The following ROBO2 variants were observed in gnomAD, a reference collection of about 807,000 sequenced individuals.
The protein encoded by ROBO2 is roundabout guidance receptor 2.
A neutral mutation model predicts 160.8 loss-of-function variants in ROBO2; 53 were observed. The ratio of observed to expected loss-of-function variants is 0.33; its 90% CI spans 0.26 to 0.41. ROBO2 has a LOEUF of 0.41. ROBO2 is among the 10% of genes least tolerant of loss of function. The pLI, the probability that ROBO2 is intolerant of heterozygous loss-of-function variation, is 1.00. For missense variants in ROBO2, 1,577 were observed against 1,722.4 expected (o/e 0.92, Z 1.49); for synonymous variants, 664 against 611.7 (o/e 1.09, Z -1.26).
At chr3:76,397,002 G>C (rs1353508434) in intron 2 of ROBO2, among the ~76,000 whole-genome samples, 3 of 152,236 alleles carry the variant, frequency 2.0e-5, no homozygotes, top group Middle Eastern at 3.4e-3. Flanking sequence ...CCAAAAAAGA[G>C]CCTTCATCGC....
chr3:76,605,720 G>T (rs750019120), intron 2 of ROBO2, among the ~76,000 whole-genome samples: 15 of 152,078 alleles, frequency 9.9e-5, no homozygotes, highest in Admixed American at 5.2e-4. Context: ...TTAACATGGG[G>T]AATTAAAGAA....
intron 2 of ROBO2, among the ~76,000 whole-genome samples, chr3:76,884,415 A>C (rs550252900): frequency 6.6e-6 from 1 of 152,330 alleles, no homozygotes; most frequent in South Asian, 2.1e-4. Context: ...GTTCTCACAG[A>C]ACTCACTTTC....
At chr3:76,855,703 C>T (rs899985796) in intron 2 of ROBO2, among the ~76,000 whole-genome samples, 7 of 152,144 alleles carry the variant, frequency 4.6e-5, no homozygotes, top group African/African-American at 1.4e-4. Context: ...TGTCTGATTG[C>T]AGTAGTTTGA....
intron 2 of ROBO2, among the ~76,000 whole-genome samples, chr3:77,436,736 T>A (rs1453033235): frequency 6.6e-6 from 1 of 151,872 alleles, no homozygotes; most frequent in African/African-American, 2.4e-5. Flanking sequence ...TCAGAACTAG[T>A]TCCAAAAATG....
rs149986822 is a variant in ROBO2, at chr3:77,027,261, A to C, written c.110-70753A>C. On this transcript the variant is annotated intron_variant, in intron 2 of 26. Transcript: ENST00000487694. ...ACAATGGTGATGACAACATCATATT[A>C]CAAAACGAAATTTCAGCCTGAGCAA... Among the ~76,000 whole-genome samples, 588 of 152,278 alleles carry C rather than the reference A, an allele frequency of 3.9e-3. 3 individuals are homozygous for C. The highest frequency in any genetic ancestry group is 6.1e-3 in the Non-Finnish European group (414 of 68,014).
intron 2 of ROBO2, among the ~76,000 whole-genome samples, chr3:76,545,862 A>G (rs937291124): frequency 7.2e-5 from 11 of 151,858 alleles, no homozygotes; most frequent in Non-Finnish European, 1.2e-4. Flanking sequence ...GTTATTTTCC[A>G]GCTTAAATAT....
chr3:76,076,355 A>G (rs927539785), intron 2 of ROBO2, among the ~76,000 whole-genome samples: 1 of 152,198 alleles, frequency 6.6e-6, no homozygotes, highest in Non-Finnish European at 1.5e-5. Flanking sequence ...ACATCAGCAA[A>G]TATATCCTCT....
chr3:77,347,116 A>G (rs1488575553), intron 2 of ROBO2, among the ~76,000 whole-genome samples: 1 of 152,122 alleles, frequency 6.6e-6, no homozygotes, highest in African/African-American at 2.4e-5. Context: ...GTAACCTGAG[A>G]GAGCCCACTC....
At position 76,309,936 on chromosome 3, in the gene ROBO2, G is replaced by A. The variant is rs1175965406; in HGVS notation, c.109+372334G>A. 2.0e-5 allele frequency among the ~76,000 whole-genome samples: 3 copies of A among 151,924 alleles called. No homozygotes were observed. The East Asian group carries it at 5.8e-4, about 29-fold the overall frequency. ...CCTCCCAGACTTAAGTGATCCTCTT[G>A]CCTCAGCCTCCTGAGTAGCTGGAAC... On this transcript the variant is annotated intron_variant, in intron 2 of 26. Transcript: ENST00000487694.
intron 2 of ROBO2, among the ~76,000 whole-genome samples, chr3:76,367,477 C>T (rs2075878912): frequency 6.6e-6 from 1 of 151,798 alleles, no homozygotes; most frequent in South Asian, 2.1e-4. Flanking sequence ...AACCCTGACT[C>T]GATGGGAAAA....
At chr3:76,317,392 A>C (rs1366004039) in intron 2 of ROBO2, among the ~76,000 whole-genome samples, 1 of 152,210 alleles carries the variant, frequency 6.6e-6, no homozygotes, top group Non-Finnish European at 1.5e-5. Context: ...AAAAATTTGA[A>C]GGTATTTTAT....
chr3:77,511,737 T>C (rs919268362), intron 5 of ROBO2, among the ~76,000 whole-genome samples: 8 of 151,970 alleles, frequency 5.3e-5, no homozygotes, highest in South Asian at 2.1e-4. Flanking sequence ...TAAGACAAGA[T>C]AAGGATGCCA....
chr3:76,064,583 C>A (rs2068186992), intron 2 of ROBO2, among the ~76,000 whole-genome samples: 1 of 152,112 alleles, frequency 6.6e-6, no homozygotes, highest in African/African-American at 2.4e-5. Flanking sequence ...CTCTAACAAT[C>A]CTTAAAAAGA....
intron 2 of ROBO2, among the ~76,000 whole-genome samples, chr3:76,079,283 A>G (rs747333899): frequency 2.0e-5 from 3 of 152,108 alleles, no homozygotes; most frequent in Non-Finnish European, 4.4e-5. Context: ...TTTCAAAATA[A>G]CTAGAAGAGT....
intron 2 of ROBO2, among the ~76,000 whole-genome samples, chr3:76,156,721 A>G (rs923967694): frequency 6.6e-6 from 1 of 152,232 alleles, no homozygotes. Flanking sequence ...TAATCCCAGC[A>G]CTGTGGGAGG....
chr3:76,049,064 A>G (rs1488600324), intron 2 of ROBO2, among the ~76,000 whole-genome samples: 1 of 152,122 alleles, frequency 6.6e-6, no homozygotes, highest in Admixed American at 6.5e-5. Flanking sequence ...GATACAGGAT[A>G]ATGGTCATCT....
intron 2 of ROBO2, among the ~76,000 whole-genome samples, chr3:76,429,522 G>A (rs142732007): frequency 1.6e-4 from 25 of 152,204 alleles, no homozygotes; most frequent in African/African-American, 6.0e-4. Context: ...GCATAATATG[G>A]AACAGTTTGG....
At chr3:75,925,304 G>T (rs1399860445) in intron 1 of ROBO2, among the ~76,000 whole-genome samples, 1 of 152,026 alleles carries the variant, frequency 6.6e-6, no homozygotes, top group African/African-American at 2.4e-5. Flanking sequence ...GCGGTGAAAG[G>T]ATCTGAGCCC....
At chr3:76,535,311 G>A (rs942575825) in intron 2 of ROBO2, among the ~76,000 whole-genome samples, 8 of 152,016 alleles carry the variant, frequency 5.3e-5, no homozygotes, top group African/African-American at 1.9e-4. Flanking sequence ...GATGTGAGGA[G>A]AATTTGTAGG....
Sources: gnomAD v4.1 joint callset for allele counts (sites outside exome capture counted in the v4.1 genomes callset) on GRCh38, gnomAD v4.1.1 for gene constraint, MANE v1.5 for transcripts, NCBI Gene and HGNC (gene_info 2026-07-23, HGNC 2026-07-21) for gene names.